Variants in ZNF462 observed in about 807,000 individuals in gnomAD.
ZNF462 encodes zinc finger PBX1-interacting protein.
In ZNF462, 10 loss-of-function variants were observed where a neutral mutation model predicts 201.9. The observed-to-expected ratio is 0.05, with a 90% CI of 0.03 to 0.08. The LOEUF is 0.08. Ranked by LOEUF, ZNF462 falls within the 10% of genes least tolerant of loss-of-function variation. The pLI, the probability that ZNF462 is intolerant of heterozygous loss-of-function variation, is 1.00. For missense variants in ZNF462, 2,523 were observed against 3,168.3 expected, an observed-to-expected ratio of 0.80 and a Z score of 4.89; for synonymous variants, 1,227 against 1,193.3, an observed-to-expected ratio of 1.03 and a Z score of -0.58.
rs1330643437 is a variant in ZNF462 at position 106,943,663 on chromosome 9, T to A, written c.6427+4556T>A. On this transcript the variant is annotated intron_variant, in intron 7 of 12. Transcript: ENST00000277225. The stretch of plus-strand genomic sequence containing the variant: ...CTACTCTTATTACTCTTCCTGGTGC[T>A]GTATTAGTACTTGCAGATATGCTAT... Among the ~76,000 whole-genome samples, 3 of 152,220 alleles carry A rather than the reference T, an allele frequency of 2.0e-5. No homozygotes were observed. In the East Asian group the frequency reaches 5.8e-4, roughly 29 times the overall value.
chr9:106,926,489 C>T lies in ZNF462; in HGVS notation c.2577C>T (p.Ser859=). 1 of 1,614,184 alleles carries T rather than the reference C, an allele frequency of 6.2e-7. No individual in the cohort carries two copies. Residue 859 remains serine (S), a synonymous_variant, in exon 3 of 13, where the codon AGC becomes AGT. Transcript: ENST00000277225. The surrounding 1 kb of genome is among the most constrained non-coding windows in gnomAD (Gnocchi z 7.9). ...DFNNKSARSV[S]THYQRMHPYI... is the part of the protein sequence containing the mutation. Reference sequence around the variant, plus strand: ...ACAACAAATCTGCCCGGAGTGTTAGCACCCACTACCAACGAATGCACCCAT... The same window carrying T: ...ACAACAAATCTGCCCGGAGTGTTAGTACCCACTACCAACGAATGCACCCAT...
intron 1 of ZNF462, among the ~76,000 whole-genome samples, chr9:106,866,045 T>C (rs942660188): frequency 1.3e-4 from 20 of 152,148 alleles, no homozygotes; most frequent in African/African-American, 4.1e-4. Context: ...CTGTTGAAGA[T>C]AGGTGAGGAG....
rs368842185 is a variant in ZNF462, at chr9:106,928,972, G to A, written c.5060G>A (p.Arg1687Gln). ...TACCGCATCAAGCACAATAATGTCC[G>A]AGCCCAGCCAGAAGGCAAGAACAAC... is the stretch of plus-strand genomic sequence containing the variant. ...RHYRIKHNNV[R>Q]AQPEGKNNLF... The change falls in exon 3 of 13, where the codon CGA becomes CAA. Residue 1687 changes from arginine (R) to glutamine (Q), a missense_variant. Arg to Gln is a conservative substitution (Grantham distance 43). Coordinates refer to ENST00000277225, the MANE Select transcript of ZNF462 (RefSeq NM_021224.6). This position sits in a 1 kb window ranked among gnomAD's most constrained non-coding sequence, Gnocchi z 9.3. The A allele has an allele frequency of 3.7e-6, 6 of 1,614,036 alleles. No individual in the cohort carries two copies. Among genetic ancestry groups the A allele is most frequent in the Non-Finnish European group, 5.1e-6 (6 of 1,180,022 alleles).
chr9:106,897,632 T>C (rs995454756), intron 1 of ZNF462, among the ~76,000 whole-genome samples: 1 of 152,230 alleles, frequency 6.6e-6, no homozygotes, highest in Non-Finnish European at 1.5e-5. Context: ...CACTCCTCTT[T>C]GTCTGAAGTT....
intron 9 of ZNF462, chr9:106,979,084 C>T (rs1389607198): frequency 4.2e-5 from 7 of 165,380 alleles, no homozygotes; most frequent in Non-Finnish European, 7.7e-5. Flanking sequence ...ACAGCCAGCT[C>T]CATGGGATCC....
intron 7 of ZNF462, among the ~76,000 whole-genome samples, chr9:106,948,614 A>G (rs1419718617): frequency 6.6e-6 from 1 of 152,046 alleles, no homozygotes. Context: ...GAAGTCATCT[A>G]GATATTTGTT....
chr9:106,877,387 T>G (rs1827881842), intron 1 of ZNF462, among the ~76,000 whole-genome samples: 1 of 150,412 alleles, frequency 6.6e-6, no homozygotes. Context: ...ATTATTATTA[T>G]CATTATTATT....
At chr9:106,959,543 T>C (rs370374871) in intron 7 of ZNF462, among the ~76,000 whole-genome samples, 13 of 152,076 alleles carry the variant, frequency 8.5e-5, no homozygotes, top group African/African-American at 3.1e-4. Context: ...CCCTATGAAG[T>C]TGCCAATGTT....
chr9:106,967,363 C>T (rs761390612), intron 7 of ZNF462, among the ~76,000 whole-genome samples: 2 of 152,084 alleles, frequency 1.3e-5, no homozygotes, highest in African/African-American at 4.8e-5. Context: ...CTCATTCTCT[C>T]AGGCTTATGG....
At chr9:106,860,181 G>T (rs981478487), upstream of ZNF462, among the ~76,000 whole-genome samples, 3 of 152,188 alleles carry the variant, frequency 2.0e-5, no homozygotes, top group Non-Finnish European at 4.4e-5. This position sits in a 1 kb window ranked among gnomAD's most constrained non-coding sequence, Gnocchi z 7.1. Flanking sequence ...CCCGCGGCCG[G>T]TTCGGGAGCT....
rs1443573613 is a variant in ZNF462 at position 106,880,741 on chromosome 9, G to C, written c.-31+17386G>C. Among the ~76,000 whole-genome samples, 1 of 152,180 alleles carries C rather than the reference G, an allele frequency of 6.6e-6. No individual in the cohort carries two copies. Among genetic ancestry groups the C allele is most frequent in the African/African-American group, 2.4e-5 (1 of 41,450 alleles). On this transcript the variant is annotated intron_variant, in intron 1 of 12. Coordinates refer to ENST00000277225, the MANE Select transcript of ZNF462 (RefSeq NM_021224.6). This position sits in a 1 kb window ranked among gnomAD's most constrained non-coding sequence, Gnocchi z 4.1. ...GTCAGAACTTCAGTATAAGGGAAAA[G>C]TAAAACATTTTGGTTCCTTTGTGAA...
rs747758952 is a variant in ZNF462, at chr9:107,009,206, A to G, written c.7190-339A>G. ...GTGAGGCACTGATATAAATCATCAC[A>G]CAAGGGAGAGAATAAATCGGAAAAA... On this transcript the variant is annotated intron_variant, in intron 11 of 12. Coordinates refer to ENST00000277225, the MANE Select transcript of ZNF462 (RefSeq NM_021224.6). The surrounding 1 kb of genome is among the most constrained non-coding windows in gnomAD (Gnocchi z 6.1). 1 of 272,508 alleles carries G rather than the reference A, an allele frequency of 3.7e-6. No individual in the cohort carries two copies. The highest frequency in any genetic ancestry group is 7.0e-6 in the Non-Finnish European group (1 of 142,180). The allele number at this position is 272,508 out of a possible 1,614,324, so 16.9% of individuals were successfully genotyped here.
rs1187502089 is a variant in ZNF462, at chr9:106,865,752, G to A, written c.-31+2397G>A. Among the ~76,000 whole-genome samples the A allele has an allele frequency of 5.3e-5, 8 of 152,104 alleles. No individual in the cohort carries two copies. Among genetic ancestry groups the A allele is most frequent in the Non-Finnish European group, 7.3e-5 (5 of 68,036 alleles). Reference sequence around the variant, plus strand: ...GTCAGTTGAGAAAACCTTATGTCCAGGTATCTTCACCTTTTTAATTGGGAG... The same window carrying A: ...GTCAGTTGAGAAAACCTTATGTCCAAGTATCTTCACCTTTTTAATTGGGAG... On this transcript the variant is annotated intron_variant, in intron 1 of 12. Transcript: ENST00000277225. The surrounding 1 kb of genome is among the most constrained non-coding windows in gnomAD (Gnocchi z 4.1).
rs774677874 is a variant in ZNF462 at position 106,929,278 on chromosome 9, G to T, written c.5366G>T (p.Arg1789Leu). The T allele has an allele frequency of 1.9e-6, 3 of 1,614,102 alleles. No homozygotes were observed. In the Admixed American group the frequency reaches 5.0e-5, roughly 27 times the overall value. Residue 1789 changes from arginine (R) to leucine (L), a missense_variant, in exon 3 of 13, where the codon CGC becomes CTC. Arg to Leu is a moderately radical substitution (Grantham distance 102). Around this residue, in one of 15 missense-constraint regions of ZNF462, gnomAD observed 207 missense variants for 231.6 expected, o/e 0.89. Coordinates refer to ENST00000277225, the MANE Select transcript of ZNF462 (RefSeq NM_021224.6). The surrounding 1 kb of genome is among the most constrained non-coding windows in gnomAD (Gnocchi z 8.7). ...KKGIVSHYMK[R>L]HPGVFPKKQH... ...GGCATCGTGTCCCATTACATGAAACGCCACCCAGGGGTGTTCCCAAAGAAG... is the reference window on the plus strand; with the variant it reads ...GGCATCGTGTCCCATTACATGAAACTCCACCCAGGGGTGTTCCCAAAGAAG...
intron 7 of ZNF462, among the ~76,000 whole-genome samples, chr9:106,951,089 C>CA (rs113029598): frequency 0.14 from 19,110 of 140,394 alleles, 3,118 homozygotes; most frequent in African/African-American, 0.4. Flanking sequence ...AACTCCATCT[C>CA]AAAAAAAAAA....
rs1357381510 is a variant in ZNF462 at position 106,928,432 on chromosome 9, T to C, written c.4520T>C (p.Ile1507Thr). The C allele has an allele frequency of 3.7e-6, 6 of 1,614,028 alleles. No homozygotes were observed. The East Asian group carries it at 1.1e-4, about 30-fold the overall frequency. The part of the protein sequence containing the change: ...KVKAADFAQD[I>T]DINPGAVYKC... The stretch of plus-strand genomic sequence containing the variant: ...AAGGCTGCTGACTTTGCCCAGGACA[T>C]TGACATCAACCCAGGTGCCGTCTAC... The change falls in exon 3 of 13, where the codon ATT becomes ACT. Residue 1507 changes from isoleucine to threonine, a missense_variant. Around this residue, in one of 15 missense-constraint regions of ZNF462, gnomAD observed 200 missense variants for 281.3 expected, o/e 0.71. Transcript: ENST00000277225. This position sits in a 1 kb window ranked among gnomAD's most constrained non-coding sequence, Gnocchi z 9.3.
At chr9:106,967,022 C>T (rs1302529622) in intron 7 of ZNF462, among the ~76,000 whole-genome samples, 1 of 152,042 alleles carries the variant, frequency 6.6e-6, no homozygotes, top group Non-Finnish European at 1.5e-5. Flanking sequence ...GGGGGCTGTC[C>T]TCTGCGGCTC....
rs578179075 is a variant in ZNF462 at position 106,929,674 on chromosome 9, G to A, written c.5762G>A (p.Arg1921His). Residue 1921 changes from arginine (R) to histidine (H), a missense_variant, in exon 3 of 13, where the codon CGT (arginine) becomes CAT (histidine). Physicochemically the swap from Arg to His is conservative, Grantham distance 29. Coordinates refer to ENST00000277225, the MANE Select transcript of ZNF462 (RefSeq NM_021224.6). The surrounding 1 kb of genome is among the most constrained non-coding windows in gnomAD (Gnocchi z 8.7). ...ATTCACAATGAGGAATTCCAGAAGC[G>A]TGCCAAACGTCAGGAGAGGAGGAAA... is the stretch of plus-strand genomic sequence containing the variant. ...LNIHNEEFQKRAKRQERRKQL... is the reference protein window; with the variant it reads ...LNIHNEEFQKHAKRQERRKQL... The A allele has an allele frequency of 7.4e-6, 12 of 1,614,032 alleles. No individual in the cohort carries two copies. Among genetic ancestry groups the A allele is most frequent in the South Asian group, 1.1e-5 (1 of 91,078 alleles).
chr9:107,008,752 C>T lies in ZNF462; in HGVS notation c.7190-793C>T, dbSNP rs1001891258. 6.6e-6 allele frequency among the ~76,000 whole-genome samples: 1 copy of T among 152,154 alleles called. No individual in the cohort carries two copies. Among genetic ancestry groups the T allele is most frequent in the African/African-American group, 2.4e-5 (1 of 41,436 alleles). On this transcript the variant is annotated intron_variant, in intron 11 of 12. Coordinates refer to ENST00000277225, the MANE Select transcript of ZNF462 (RefSeq NM_021224.6). The surrounding 1 kb of genome is among the most constrained non-coding windows in gnomAD (Gnocchi z 4.8). Reference sequence around the variant, plus strand: ...CATTTATCAGACTTCTACCATGTGCCTAGTACCATGGAGGAAACAAAACAA... The same window carrying T: ...CATTTATCAGACTTCTACCATGTGCTTAGTACCATGGAGGAAACAAAACAA...
Sources: gnomAD v4.1 joint callset for allele counts (sites outside exome capture counted in the v4.1 genomes callset) on GRCh38, gnomAD v4.1.1 for gene constraint, gnomAD v4.1.1 regional missense constraint, Gnocchi (gnomAD v3.1) non-coding constraint, MANE v1.5 for transcripts, NCBI Gene and HGNC (gene_info 2026-07-23, HGNC 2026-07-21) for gene names.